NMNAT2: variants seen among roughly 807,000 people sequenced by gnomAD.
The protein encoded by NMNAT2 is nicotinamide/nicotinic acid mononucleotide adenylyltransferase 2.
Under a neutral mutation model 41.6 loss-of-function variants are expected in NMNAT2, and 11 were observed. The ratio of observed to expected loss-of-function variants is 0.26; its 90% CI spans 0.17 to 0.44. NMNAT2 has a LOEUF of 0.44. NMNAT2 is among the 20% of genes least tolerant of loss of function. NMNAT2 has a pLI of 1.00. For missense variants in NMNAT2, 288 were observed against 407.7 expected, an observed-to-expected ratio of 0.71 and a Z score of 2.53; for synonymous variants, 148 against 151.2, an observed-to-expected ratio of 0.98 and a Z score of 0.16.
At chr1:183,286,164 T>C (rs1406582484) in intron 5 of NMNAT2, among the ~76,000 whole-genome samples, 1 of 152,190 alleles carries the variant, frequency 6.6e-6, no homozygotes, top group Admixed American at 6.5e-5. Context: ...CTCCTCCTCC[T>C]GGGCTCAAGA....
rs575627636 is a variant in NMNAT2, at chr1:183,331,401, C to T, written c.86-37608G>A. 5.9e-5 allele frequency among the ~76,000 whole-genome samples: 9 copies of T among 152,186 alleles called. No homozygotes were observed. In the East Asian group the frequency reaches 7.7e-4, roughly 13 times the overall value. The stretch of plus-strand genomic sequence containing the variant: ...GAGAGGAGAAGGGAGCTGGAGGGTG[C>T]GGCACTGCATAGACAAGATGAAAGG... On this transcript the variant is annotated intron_variant, in intron 1 of 10. Coordinates refer to ENST00000287713, the MANE Select transcript of NMNAT2 (RefSeq NM_015039.4).
chr1:183,333,562 G>A (rs1001825704), intron 1 of NMNAT2, among the ~76,000 whole-genome samples: 3 of 152,214 alleles, frequency 2.0e-5, no homozygotes, highest in Non-Finnish European at 4.4e-5. Context: ...TCTCTGAAAG[G>A]TGGAAATGGG....
chr1:183,340,217 C>T (rs1662765646), intron 1 of NMNAT2, among the ~76,000 whole-genome samples: 1 of 152,184 alleles, frequency 6.6e-6, no homozygotes, highest in Non-Finnish European at 1.5e-5. Flanking sequence ...CCTCTCTCAA[C>T]TGGCTTCCAG....
Position 183,381,916 on chromosome 1 carries a change from A to C in NMNAT2, c.85+36267T>G, listed in dbSNP as rs183048888. Among the ~76,000 whole-genome samples, 238 of 152,358 alleles carry C rather than the reference A, an allele frequency of 1.6e-3. 2 individuals are homozygous for C. The highest frequency in any genetic ancestry group is 5.1e-3 in the African/African-American group (210 of 41,578). ...CTTGTTCTAGATCACATAGCTGGTA[A>C]AGAACAGAAACAGATCCAAACCAGG... On this transcript the variant is annotated intron_variant, in intron 1 of 10. Transcript: ENST00000287713.
chr1:183,276,056 C>T (rs1435506737), intron 8 of NMNAT2, among the ~76,000 whole-genome samples: 1 of 152,164 alleles, frequency 6.6e-6, no homozygotes, highest in East Asian at 1.9e-4. Context: ...TTATCTCACC[C>T]GTCCCTGGCT....
intron 1 of NMNAT2, among the ~76,000 whole-genome samples, chr1:183,319,994 C>T (rs1255549134): frequency 1.3e-5 from 2 of 152,258 alleles, no homozygotes; most frequent in Non-Finnish European, 2.9e-5. Flanking sequence ...GGGATAGCTG[C>T]TGTCTCTCTG....
chr1:183,262,809 C>T (rs1050153041), intron 8 of NMNAT2, among the ~76,000 whole-genome samples: 6 of 152,208 alleles, frequency 3.9e-5, no homozygotes, highest in African/African-American at 1.4e-4. Context: ...GGGCATATTA[C>T]TGTTTAGATC....
chr1:183,264,347 G>A (rs1452880961), intron 8 of NMNAT2, among the ~76,000 whole-genome samples: 3 of 151,904 alleles, frequency 2.0e-5, no homozygotes, highest in African/African-American at 4.8e-5. Context: ...ATGAATAACT[G>A]TGCCAGGCTG....
At chr1:183,300,188 G>A (rs561765789) in intron 1 of NMNAT2, among the ~76,000 whole-genome samples, 1 of 152,262 alleles carries the variant, frequency 6.6e-6, no homozygotes, top group Admixed American at 6.5e-5. Context: ...CGTATCATGA[G>A]GTCAGGAGTT....
intron 1 of NMNAT2, among the ~76,000 whole-genome samples, chr1:183,313,586 TC>T (rs550813689): frequency 6.6e-6 from 1 of 152,258 alleles, no homozygotes; most frequent in African/African-American, 2.4e-5. Context: ...TTCAGGTGAT[TC>T]TCATGCCTCT....
intron 1 of NMNAT2, among the ~76,000 whole-genome samples, chr1:183,298,146 G>A (rs1241232368): frequency 6.6e-6 from 1 of 152,154 alleles, no homozygotes; most frequent in Admixed American, 6.5e-5. Context: ...GAAGAACAAG[G>A]AAGGAAGTGT....
At chr1:183,332,803 CA>C (rs1662611265) in intron 1 of NMNAT2, among the ~76,000 whole-genome samples, 1 of 152,192 alleles carries the variant, frequency 6.6e-6, no homozygotes, top group African/African-American at 2.4e-5. Flanking sequence ...TCAGACTTAC[CA>C]GGGGAAATTC....
chr1:183,269,149 T>C (rs1434999101), intron 8 of NMNAT2, among the ~76,000 whole-genome samples: 1 of 152,150 alleles, frequency 6.6e-6, no homozygotes, highest in African/African-American at 2.4e-5. Flanking sequence ...ACCTTTATGT[T>C]GAAACCTACG....
intron 7 of NMNAT2, 178 bp downstream of exon 7, chr1:183,283,817 G>A (rs1661328045): frequency 1.5e-6 from 1 of 679,124 alleles, no homozygotes; most frequent in East Asian, 2.8e-5. Flanking sequence ...GTTAAGAGAT[G>A]TTAAAGGGAG....
chr1:183,333,944 A>G (rs901906845), intron 1 of NMNAT2, among the ~76,000 whole-genome samples: 2 of 152,192 alleles, frequency 1.3e-5, no homozygotes, highest in Non-Finnish European at 2.9e-5. Flanking sequence ...TGTCCCCAGT[A>G]AGTAAGAAAA....
chr1:183,261,676 A>C (rs771784789), intron 8 of NMNAT2, among the ~76,000 whole-genome samples: 11 of 152,190 alleles, frequency 7.2e-5, no homozygotes, highest in Non-Finnish European at 1.5e-4. Flanking sequence ...TCTGGAGTGA[A>C]ACAGATCCCT....
intron 1 of NMNAT2, among the ~76,000 whole-genome samples, chr1:183,319,507 G>C (rs1242874692): frequency 6.6e-6 from 1 of 152,214 alleles, no homozygotes; most frequent in African/African-American, 2.4e-5. Context: ...AGCAGGCTGG[G>C]ACACTCTTGG....
chr1:183,299,298 C>T (rs994175224), intron 1 of NMNAT2, among the ~76,000 whole-genome samples: 1 of 151,998 alleles, frequency 6.6e-6, no homozygotes, highest in Non-Finnish European at 1.5e-5. Flanking sequence ...ATTGCTTGAA[C>T]CTGGGAGGTG....
chr1:183,269,747 G>A (rs1029843953), intron 8 of NMNAT2, among the ~76,000 whole-genome samples: 4 of 152,240 alleles, frequency 2.6e-5, no homozygotes, highest in African/African-American at 9.6e-5. Flanking sequence ...GACTCAGTGA[G>A]ATTTAATAAC....
Sources: gnomAD v4.1 joint callset for allele counts (sites outside exome capture counted in the v4.1 genomes callset) on GRCh38, gnomAD v4.1.1 for gene constraint, MANE v1.5 for transcripts, NCBI Gene and HGNC (gene_info 2026-07-23, HGNC 2026-07-21) for gene names.